PDE11A: variants seen among roughly 807,000 people sequenced by gnomAD.
The protein encoded by PDE11A is phosphodiesterase 11A.
A neutral mutation model predicts 100.5 loss-of-function variants in PDE11A; 100 were observed. The ratio of observed to expected loss-of-function variants is 1.00; its 90% CI spans 0.85 to 1.18. PDE11A has a LOEUF of 1.18. PDE11A is among the 50% of genes most tolerant of loss of function. The pLI is 0.00. For missense variants in PDE11A, 1,141 were observed against 1,152.6 expected (o/e 0.99, Z 0.15); for synonymous variants, 381 against 420.8 (o/e 0.91, Z 1.16).
chr2:177,830,870 C>T (rs2083298115), intron 6 of PDE11A, among the ~76,000 whole-genome samples: 1 of 151,960 alleles, frequency 6.6e-6, no homozygotes, highest in African/African-American at 2.4e-5. Flanking sequence ...TTGAGTAGGT[C>T]TTTTCTGTCT....
intron 19 of PDE11A, among the ~76,000 whole-genome samples, chr2:177,642,975 T>G (rs1277942834): frequency 6.6e-6 from 1 of 152,220 alleles, no homozygotes; most frequent in Non-Finnish European, 1.5e-5. Flanking sequence ...CCATGTAAGA[T>G]GTGACTTCCT....
At chr2:177,955,214 T>G (rs892558363) in intron 2 of PDE11A, among the ~76,000 whole-genome samples, 2 of 152,180 alleles carry the variant, frequency 1.3e-5, no homozygotes, top group African/African-American at 2.4e-5. Flanking sequence ...ATGAGAAGCA[T>G]GGTGGTATTT....
intron 5 of PDE11A, among the ~76,000 whole-genome samples, chr2:177,845,067 C>T (rs938963593): frequency 1.4e-4 from 22 of 152,022 alleles, no homozygotes; most frequent in Admixed American, 2.0e-4. Flanking sequence ...ACCTCCCAGA[C>T]GGGGTGGTGG....
intron 3 of PDE11A, 65 bp from the exon 4 acceptor site, chr2:177,898,263 T>C: frequency 2.9e-6 from 3 of 1,050,970 alleles, no homozygotes; most frequent in South Asian, 2.8e-5. Flanking sequence ...CTTTTCTTCT[T>C]AAAATTTAAT....
chr2:177,876,011 G>T (rs1387100079), intron 4 of PDE11A, 88 bp from the exon 5 acceptor site: 1 of 813,136 alleles, frequency 1.2e-6, no homozygotes, highest in Admixed American at 1.9e-5. Context: ...TCTTTATAAT[G>T]ATTATAATAC....
At chr2:177,686,491 T>C (rs560702535) in intron 15 of PDE11A, among the ~76,000 whole-genome samples, 10 of 151,952 alleles carry the variant, frequency 6.6e-5, no homozygotes, top group Non-Finnish European at 4.4e-5. Flanking sequence ...AGATTGAGCC[T>C]GGGAAGTCAA....
intron 1 of PDE11A, among the ~76,000 whole-genome samples, chr2:178,059,248 T>G (rs113621133): frequency 0.011 from 1,603 of 152,232 alleles, 15 homozygotes; most frequent in Middle Eastern, 0.041. Flanking sequence ...TTGCCCTCTG[T>G]GTCTAGCAGG....
At chr2:178,021,817 A>G (rs934569) in intron 1 of PDE11A, among the ~76,000 whole-genome samples, 143,970 of 152,078 alleles carry the variant, frequency 0.95, 68,658 homozygotes, top group East Asian at 1. Flanking sequence ...GAGAGGTGGA[A>G]GGGAGTGTCC....
intron 9 of PDE11A, among the ~76,000 whole-genome samples, chr2:177,790,638 C>T (rs182031357): frequency 0.018 from 2,771 of 152,302 alleles, 85 homozygotes; most frequent in African/African-American, 0.063. Context: ...GCAACCTACT[C>T]ATCTGACAAA....
intron 2 of PDE11A, among the ~76,000 whole-genome samples, chr2:177,961,801 G>A (rs901952882): frequency 2.0e-5 from 3 of 151,932 alleles, no homozygotes; most frequent in South Asian, 4.2e-4. Context: ...TATGTAGGCC[G>A]GGCATAGTGA....
At chr2:178,011,676 C>T (rs577565436) in intron 2 of PDE11A, among the ~76,000 whole-genome samples, 6 of 152,282 alleles carry the variant, frequency 3.9e-5, no homozygotes, top group Admixed American at 3.3e-4. Flanking sequence ...CATGTATTCA[C>T]GTGCTGTCAG....
At chr2:177,804,501 A>G (rs908526942) in intron 9 of PDE11A, among the ~76,000 whole-genome samples, 1 of 151,916 alleles carries the variant, frequency 6.6e-6, no homozygotes, top group Non-Finnish European at 1.5e-5. Flanking sequence ...AATCTTTATG[A>G]AAAACAGTAT....
chr2:177,942,663 A>G (rs1389972603), intron 2 of PDE11A, among the ~76,000 whole-genome samples: 1 of 152,184 alleles, frequency 6.6e-6, no homozygotes, highest in Non-Finnish European at 1.5e-5. Context: ...CGGCCTCTCA[A>G]AGTGCTGGGA....
rs766158842 is a variant in PDE11A, at chr2:177,979,524, T to TGAA, written c.1071+34777_1071+34778insTTC. 6.0e-5 allele frequency among the ~76,000 whole-genome samples: 9 copies of TGAA among 150,158 alleles called. 1 individual carries two copies. Among genetic ancestry groups the TGAA allele is most frequent in the Non-Finnish European group, 8.9e-5 (6 of 67,044 alleles). ...ACAAAGAGGTAGGGTTTTCCTGGTA[T>TGAA]GCAGCGTCTCAATTCTGTGGAATCC... is the stretch of plus-strand genomic sequence containing the variant. On this transcript the variant is annotated intron_variant, in intron 2 of 19. Transcript: ENST00000286063.
At chr2:177,630,680 C>T (rs989151681) in intron 19 of PDE11A, among the ~76,000 whole-genome samples, 1 of 151,806 alleles carries the variant, frequency 6.6e-6, no homozygotes, top group African/African-American at 2.4e-5. Flanking sequence ...CTACATTTTC[C>T]TTATTTTAAT....
intron 1 of PDE11A, among the ~76,000 whole-genome samples, chr2:178,042,648 A>G (rs1379687432): frequency 6.6e-6 from 1 of 152,174 alleles, no homozygotes; most frequent in Non-Finnish European, 1.5e-5. Flanking sequence ...ATGTGTAGCT[A>G]ATCTATTTTA....
rs557088490 is a variant in PDE11A at position 177,907,664 on chromosome 2, A to G, written c.1072-2477T>C. ...TGTATCTTTCTGGAATGCTTATACA[A>G]TGAACAGCCTTGGAAGATAGAGATA... On this transcript the variant is annotated intron_variant, in intron 2 of 19. Transcript: ENST00000286063. Among the ~76,000 whole-genome samples the G allele has an allele frequency of 1.7e-3, 263 of 152,340 alleles. 2 individuals carry two copies. The highest frequency in any genetic ancestry group is 3.1e-3 in the Non-Finnish European group (213 of 68,040).
At chr2:177,848,036 G>A (rs2083632532) in intron 5 of PDE11A, among the ~76,000 whole-genome samples, 1 of 152,042 alleles carries the variant, frequency 6.6e-6, no homozygotes, top group South Asian at 2.1e-4. Context: ...CTGTACACTG[G>A]TGCATAACAA....
chr2:178,091,542 C>A (rs1255817387), intron 2 of PDE11A, among the ~76,000 whole-genome samples: 1 of 152,200 alleles, frequency 6.6e-6, no homozygotes, highest in Non-Finnish European at 1.5e-5. Context: ...AATGAGGTAA[C>A]AGATGTCTTA....
Sources: allele counts gnomAD v4.1 joint callset (sites outside exome capture counted in the v4.1 genomes callset), GRCh38; gene constraint gnomAD v4.1.1; transcripts MANE v1.5; gene names NCBI Gene and HGNC (gene_info 2026-07-23, HGNC 2026-07-21).